The following RBFOX1 variants were observed in gnomAD, a reference collection of about 807,000 sequenced individuals.
RBFOX1 encodes the protein RNA binding fox-1 homolog 1, also known as RNA binding protein fox-1 homolog 1.
A neutral mutation model predicts 57.7 loss-of-function variants in RBFOX1; 8 were observed. The ratio of observed to expected loss-of-function variants is 0.14; its 90% CI spans 0.08 to 0.25. The LOEUF (loss-of-function observed/expected upper bound fraction) is 0.25, where lower values mean the gene tolerates loss of function less well. Among genes scored for constraint, RBFOX1 ranks in the 10% least tolerant of loss-of-function variants. RBFOX1 has a pLI of 1.00. For missense variants in RBFOX1, 611 were observed against 548.5 expected (o/e 1.11, Z -1.14); for synonymous variants, 326 against 222.4 (o/e 1.47, Z -4.15).
chr16:5,457,995 A>T (rs2068681256), intron 1 of RBFOX1, among the ~76,000 whole-genome samples: 1 of 152,160 alleles, frequency 6.6e-6, no homozygotes, highest in Non-Finnish European at 1.5e-5. Context: ...CAACTTGAAT[A>T]GCCTCCCCTC....
At chr16:6,524,848 A>T (rs965942572) in intron 2 of RBFOX1, among the ~76,000 whole-genome samples, 1 of 152,014 alleles carries the variant, frequency 6.6e-6, no homozygotes, top group Non-Finnish European at 1.5e-5. Context: ...GTCTGAGTCT[A>T]TGTGTCTCCA....
intron 12 of RBFOX1, among the ~76,000 whole-genome samples, chr16:7,664,145 C>T (rs1271169298): frequency 2.0e-5 from 3 of 152,146 alleles, no homozygotes; most frequent in Non-Finnish European, 4.4e-5. Flanking sequence ...TACACAAATA[C>T]ATATAAATAA....
intron 3 of RBFOX1, among the ~76,000 whole-genome samples, chr16:6,956,258 G>A (rs1177155270): frequency 6.6e-6 from 1 of 152,118 alleles, no homozygotes; most frequent in African/African-American, 2.4e-5. Flanking sequence ...GAAGAGTCAG[G>A]CACAAAGAGC....
Position 7,194,009 on chromosome 16 carries a change from CAT to C in RBFOX1, c.27+141914_27+141915del, listed in dbSNP as rs2086076510. Among the ~76,000 whole-genome samples the C allele has an allele frequency of 5.3e-5, 8 of 151,630 alleles. No individual in the cohort carries two copies. In the South Asian group the frequency reaches 1.7e-3, roughly 32 times the overall value. ...AGTCTTTCCCAAGTATAAGCCGTAT[CAT>C]ATTATTATGGATTTAGACGGGTATA... On this transcript the variant is annotated intron_variant, in intron 4 of 15. Transcript: ENST00000550418.
chr16:7,437,045 C>T (rs998715407), intron 4 of RBFOX1, among the ~76,000 whole-genome samples: 2 of 152,184 alleles, frequency 1.3e-5, no homozygotes, highest in African/African-American at 4.8e-5. Context: ...CACACCACTG[C>T]ACTCCAGCCT....
intron 3 of RBFOX1, among the ~76,000 whole-genome samples, chr16:6,780,668 C>T (rs1444240224): frequency 6.9e-6 from 1 of 144,824 alleles, no homozygotes; most frequent in Non-Finnish European, 1.5e-5. Context: ...TCTATATTGC[C>T]TGTTTTTTCA....
chr16:5,459,414 T>C (rs1031070288), intron 1 of RBFOX1, among the ~76,000 whole-genome samples: 1 of 152,114 alleles, frequency 6.6e-6, no homozygotes, highest in African/African-American at 2.4e-5. Context: ...CCTTAGCACT[T>C]TGCTAAACCA....
chr16:6,829,250 A>G (rs2092494059), intron 3 of RBFOX1, among the ~76,000 whole-genome samples: 1 of 151,966 alleles, frequency 6.6e-6, no homozygotes, highest in South Asian at 2.1e-4. Context: ...CAGTCAGAAA[A>G]AAAAAAAAAA....
chr16:7,004,379 C>T (rs1012563453), intron 3 of RBFOX1, among the ~76,000 whole-genome samples: 4 of 152,146 alleles, frequency 2.6e-5, no homozygotes, highest in Non-Finnish European at 5.9e-5. Flanking sequence ...GCATCAGATT[C>T]TTTGTCCACC....
intron 1 of RBFOX1, among the ~76,000 whole-genome samples, chr16:5,431,919 G>T (rs529968236): frequency 6.6e-6 from 1 of 152,234 alleles, no homozygotes; most frequent in East Asian, 1.9e-4. Flanking sequence ...GTTCCAGTAG[G>T]ATTCGAATCC....
chr16:5,584,629 A>G (rs1350171723), intron 2 of RBFOX1, among the ~76,000 whole-genome samples: 1 of 152,064 alleles, frequency 6.6e-6, no homozygotes, highest in East Asian at 1.9e-4. Flanking sequence ...TTGTCTCCTG[A>G]GTGTGGTTAC....
Position 7,391,385 on chromosome 16 carries a change from G to A in RBFOX1, c.28-126762G>A, listed in dbSNP as rs80146874. ...ATCTCCAAGGATACCAATTATAGGG[G>A]TAGCTGGGTACCTGCCTCCCTCTGC... is the stretch of plus-strand genomic sequence containing the variant. On this transcript the variant is annotated intron_variant, in intron 4 of 15. Coordinates refer to ENST00000550418, the MANE Select transcript of RBFOX1 (RefSeq NM_018723.4). Among the ~76,000 whole-genome samples the A allele has an allele frequency of 3.3e-5, 5 of 152,172 alleles. No homozygotes were observed. In the South Asian group the frequency reaches 8.3e-4, roughly 25 times the overall value.
intron 1 of RBFOX1, among the ~76,000 whole-genome samples, chr16:6,171,131 G>T (rs1011653028): frequency 6.6e-6 from 1 of 152,166 alleles, no homozygotes; most frequent in Non-Finnish European, 1.5e-5. Context: ...AGATCAAATG[G>T]TAGTTCTGTT....
chr16:5,469,838 T>C (rs1157932708), intron 2 of RBFOX1, among the ~76,000 whole-genome samples: 1 of 152,236 alleles, frequency 6.6e-6, no homozygotes, highest in Non-Finnish European at 1.5e-5. Flanking sequence ...CATTCTCTCC[T>C]TTTTATGGCT....
chr16:6,535,361 G>A (rs572709548), intron 2 of RBFOX1, among the ~76,000 whole-genome samples: 1 of 152,154 alleles, frequency 6.6e-6, no homozygotes, highest in Non-Finnish European at 1.5e-5. Context: ...GTCAGTGTGG[G>A]ATAATTGTCA....
intron 2 of RBFOX1, among the ~76,000 whole-genome samples, chr16:6,626,394 A>T (rs75000813): frequency 0.023 from 3,498 of 152,234 alleles, 180 homozygotes; most frequent in East Asian, 0.18. Context: ...GGGCTGATTC[A>T]TCATTCTTCC....
intron 14 of RBFOX1, among the ~76,000 whole-genome samples, 182 bp downstream of exon 14, chr16:7,677,020 C>G (rs539922405): frequency 1.3e-5 from 2 of 152,104 alleles, no homozygotes; most frequent in South Asian, 4.2e-4. Context: ...ATGCTTCAGC[C>G]AATTCTAAAC....
chr16:7,668,495 C>T (rs749949165), intron 13 of RBFOX1, among the ~76,000 whole-genome samples: 1 of 152,116 alleles, frequency 6.6e-6, no homozygotes, highest in Admixed American at 6.6e-5. Context: ...AGCCTTCAAT[C>T]CTATTCAGGA....
intron 4 of RBFOX1, among the ~76,000 whole-genome samples, chr16:7,203,893 C>A (rs1343371753): frequency 6.6e-6 from 1 of 152,204 alleles, no homozygotes; most frequent in Non-Finnish European, 1.5e-5. Flanking sequence ...GGGCTGAAGT[C>A]AGAACTAGTC....
Sources: allele counts gnomAD v4.1 joint callset (sites outside exome capture counted in the v4.1 genomes callset), GRCh38; gene constraint gnomAD v4.1.1; transcripts MANE v1.5; gene names NCBI Gene and HGNC (gene_info 2026-07-23, HGNC 2026-07-21).